The following DNAH3 variants were observed in gnomAD, a reference collection of about 807,000 sequenced individuals.
DNAH3 encodes axonemal beta dynein heavy chain 3.
Under a neutral mutation model 432.5 loss-of-function variants are expected in DNAH3, and 332 were observed. The ratio of observed to expected loss-of-function variants is 0.77; its 90% confidence interval spans 0.70 to 0.84. The LOEUF (loss-of-function observed/expected upper bound fraction) is 0.84, where lower values mean the gene tolerates loss of function less well. Ranked by LOEUF, DNAH3 falls within the 40% of genes least tolerant of loss-of-function variation. The probability of loss-of-function intolerance (pLI) is 0.00; values close to 1 mark genes in which losing one functional copy is unlikely to be tolerated. For missense variants in DNAH3, 4,861 were observed against 5,114.0 expected, an observed-to-expected ratio of 0.95 and a Z score of 1.51; for synonymous variants, 1,956 against 1,900.2, an observed-to-expected ratio of 1.03 and a Z score of -0.76.
At chr16:20,975,514 A>G (rs2085546581) in intron 50 of DNAH3, 99 bp from the exon 51 acceptor site, 1 of 1,124,666 alleles carries the variant, frequency 8.9e-7, no homozygotes, top group Non-Finnish European at 1.3e-6. Context: ...ATAAGCAGAA[A>G]ATATGTACTA....
intron 12 of DNAH3, 38 bp downstream of exon 12, chr16:21,117,165 A>C: frequency 6.9e-7 from 1 of 1,444,502 alleles, no homozygotes; most frequent in South Asian, 1.2e-5. Context: ...ATCAATCCCA[A>C]AAAGCTACAT....
chr16:21,134,410 T>A, exon 7 of DNAH3: 1 of 1,614,152 alleles, frequency 6.2e-7, no homozygotes, highest in Non-Finnish European at 8.5e-7. Flanking sequence ...ATGCTCTCAA[T>A]AAAGAGCCGT....
intron 31 of DNAH3, among the ~76,000 whole-genome samples, chr16:21,047,934 C>T (rs539304344): frequency 0.014 from 2,140 of 151,724 alleles, 20 homozygotes; most frequent in Middle Eastern, 0.024. Flanking sequence ...AGTACCCTGC[C>T]GTGTGAGGTG....
intron 20 of DNAH3, among the ~76,000 whole-genome samples, chr16:21,075,891 G>C (rs972786842): frequency 9.4e-5 from 9 of 95,980 alleles, no homozygotes; most frequent in Non-Finnish European, 1.8e-4. Context: ...ACTCCACTCT[G>C]GAAAACAGAG....
chr16:20,967,882 T>C (rs942960933), intron 52 of DNAH3, among the ~76,000 whole-genome samples: 1 of 152,112 alleles, frequency 6.6e-6, no homozygotes, highest in Admixed American at 6.6e-5. Flanking sequence ...CTAGCTCATC[T>C]TTGCTCAAGG....
exon 60 of DNAH3, chr16:20,936,842 A>T: frequency 2.5e-6 from 4 of 1,610,964 alleles, no homozygotes; most frequent in Non-Finnish European, 3.4e-6. Flanking sequence ...CCTCCGAACC[A>T]CTTTGGTCAG....
intron 1 of DNAH3, chr16:21,150,303 C>T (rs1371836079): frequency 2.2e-6 from 1 of 455,236 alleles, no homozygotes; most frequent in South Asian, 1.6e-5. Flanking sequence ...CTGAGATGAG[C>T]AATCCATGTC....
chr16:21,065,860 T>G (rs1597288934), intron 24 of DNAH3, among the ~76,000 whole-genome samples: 2 of 152,322 alleles, frequency 1.3e-5, no homozygotes, highest in South Asian at 2.1e-4. Context: ...GGAGTCTTGC[T>G]CTGTCACCCA....
chr16:21,109,439 C>T (rs1335576992), intron 14 of DNAH3, among the ~76,000 whole-genome samples: 3 of 152,026 alleles, frequency 2.0e-5, no homozygotes, highest in Admixed American at 2.0e-4. Context: ...ATACCATGTG[C>T]TGGGAAGATG....
At position 21,104,538 on chromosome 16, in the gene DNAH3, T is replaced by C. The variant is rs1264134845; in HGVS notation, c.2299A>G (p.Ile767Val). Residue 767 changes from isoleucine (I) to valine (V), a missense_variant, in exon 16 of 62, where the codon ATC becomes GTC. Physicochemically the swap from Ile to Val is conservative, Grantham distance 29 (BLOSUM62 3). Transcript: ENST00000261383. ...AGCAAGTTCCGGCTGTTGTCAAAGA[T>C]ATCTTCAATCTGGTCTGGCCAGAGG... 6.2e-7 allele frequency: 1 copy of C among 1,614,034 alleles called. No homozygotes were observed. The highest frequency in any genetic ancestry group is 1.1e-5 in the South Asian group (1 of 91,078).
intron 32 of DNAH3, among the ~76,000 whole-genome samples, 166 bp downstream of exon 32, chr16:21,041,861 T>C (rs1597218236): frequency 6.6e-6 from 1 of 152,076 alleles, no homozygotes; most frequent in Non-Finnish European, 1.5e-5. Flanking sequence ...TTAGTAGAGA[T>C]GGGGTTTCAC....
chr16:21,024,846 C>T (rs769611861), intron 38 of DNAH3, 145 bp from the exon 39 acceptor site: 12 of 674,808 alleles, frequency 1.8e-5, no homozygotes, highest in African/African-American at 1.1e-4. Flanking sequence ...GGTTTACCCA[C>T]GTTGAATCTT....
intron 16 of DNAH3, among the ~76,000 whole-genome samples, chr16:21,102,186 T>C (rs1010254460): frequency 6.6e-6 from 1 of 152,126 alleles, no homozygotes; most frequent in Non-Finnish European, 1.5e-5. Flanking sequence ...CGCCCTCTGC[T>C]GGCCCCTGCT....
Position 20,969,809 on chromosome 16 carries a change from G to T in DNAH3, c.8441C>A (p.Pro2814Gln), listed in dbSNP as rs752182781. 6 of 1,614,170 alleles carry T rather than the reference G, an allele frequency of 3.7e-6. No individual in the cohort carries two copies. Among genetic ancestry groups the T allele is most frequent in the Non-Finnish European group, 5.1e-6 (6 of 1,180,034 alleles). ...GCACTTACCGGAGCCACTGGGGTCT[G>T]GCTTCCTCTCTGGCTTCATCCCTTT... Residue 2814 changes from proline (P) to glutamine (Q), a missense_variant, in exon 52 of 62, where the codon CCA becomes CAA. By Grantham distance (76) the Pro-to-Gln change is moderately conservative. Transcript: ENST00000261383.
Position 21,136,253 on chromosome 16 carries a change from A to G in DNAH3, c.886+71T>C, listed in dbSNP as rs557383828. On this transcript the variant is annotated intron_variant, in intron 6 of 61. Transcript: ENST00000261383. The stretch of plus-strand genomic sequence containing the variant: ...ACAAAGCAAGACCTTGTCTCTACAA[A>G]AATAAAAATAAAAAAGAAGGTGCCC... The G allele has an allele frequency of 3.2e-5, 46 of 1,443,028 alleles. No homozygotes were observed. The South Asian group carries it at 5.3e-4, about 17-fold the overall frequency. 89.4% of individuals were successfully genotyped at this position (1,443,028 alleles called of 1,614,324 possible). A position where few individuals can be genotyped will look rare whatever the true frequency, so the allele number is the denominator to read the frequency against.
intron 20 of DNAH3, among the ~76,000 whole-genome samples, chr16:21,079,494 G>T (rs1362231045): frequency 1.3e-5 from 2 of 152,092 alleles, no homozygotes; most frequent in African/African-American, 2.4e-5. Flanking sequence ...ATGATGGCAG[G>T]TGCCTGTAAT....
chr16:21,063,186 C>T (rs1189945051), intron 24 of DNAH3, among the ~76,000 whole-genome samples: 1 of 152,176 alleles, frequency 6.6e-6, no homozygotes, highest in Non-Finnish European at 1.5e-5. Context: ...TTAGAATCAC[C>T]TGGGGAGCTT....
At chr16:21,061,184 A>AGGG (rs1339863408) in intron 25 of DNAH3, among the ~76,000 whole-genome samples, 4 of 120,780 alleles carry the variant, frequency 3.3e-5, no homozygotes, top group Non-Finnish European at 5.2e-5. Context: ...CTTGACACTT[A>AGGG]TTTTCTGTAT....
At chr16:21,062,802 T>C in intron 24 of DNAH3, 119 bp from the exon 25 acceptor site, 1 of 719,600 alleles carries the variant, frequency 1.4e-6, no homozygotes, top group East Asian at 2.7e-5. Context: ...TCTTGCGGTC[T>C]TCACAAAGGC....
Sources: gnomAD v4.1 joint callset for allele counts (sites outside exome capture counted in the v4.1 genomes callset) on GRCh38, gnomAD v4.1.1 for gene constraint, MANE v1.5 for transcripts, NCBI Gene and HGNC (gene_info 2026-07-23, HGNC 2026-07-21) for gene names.